CRADD: variants seen among roughly 807,000 people sequenced by gnomAD.
The protein encoded by CRADD is CARD and death domain containing adaptor protein.
Under a neutral mutation model 15.5 loss-of-function variants are expected in CRADD, and 9 were observed. The observed-to-expected ratio is 0.58, with a 90% CI of 0.35 to 1.01. CRADD has a LOEUF of 1.01. Ranked by LOEUF, CRADD falls within the 50% of genes least tolerant of loss-of-function variation. The pLI, the probability that CRADD is intolerant of heterozygous loss-of-function variation, is 0.02. For synonymous variants in CRADD, 118 were observed against 107.6 expected, an observed-to-expected ratio of 1.10 and a Z score of -0.60; for missense variants, 227 against 250.3, an observed-to-expected ratio of 0.91 and a Z score of 0.63.
intron 2 of CRADD, among the ~76,000 whole-genome samples, chr12:93,889,927 T>G (rs566013338): frequency 6.6e-6 from 1 of 152,276 alleles, no homozygotes; most frequent in Admixed American, 6.5e-5. Context: ...GGAACTCCAG[T>G]ATGTAAAATG....
chr12:93,703,505 C>T (rs545491914), intron 2 of CRADD, among the ~76,000 whole-genome samples: 6 of 151,868 alleles, frequency 4.0e-5, no homozygotes, highest in African/African-American at 1.4e-4. Flanking sequence ...GGACTACAGG[C>T]GCATGCCACC....
chr12:93,722,967 A>G (rs968239041), intron 2 of CRADD, among the ~76,000 whole-genome samples: 3 of 152,140 alleles, frequency 2.0e-5, no homozygotes, highest in Non-Finnish European at 2.9e-5. Context: ...GTGGGAGGAG[A>G]GGAAGTGAAA....
chr12:93,887,585 C>T (rs918987697), intron 2 of CRADD, among the ~76,000 whole-genome samples: 5 of 152,300 alleles, frequency 3.3e-5, no homozygotes, highest in Admixed American at 2.6e-4. Context: ...TGTTAATAGT[C>T]GGTTCTTGGT....
chr12:93,797,743 A>G (rs1957435302), intron 2 of CRADD, among the ~76,000 whole-genome samples: 1 of 152,154 alleles, frequency 6.6e-6, no homozygotes, highest in Non-Finnish European at 1.5e-5. Flanking sequence ...TTTTTATTGC[A>G]CAAAGAACAT....
chr12:93,804,183 A>C (rs769049159), intron 2 of CRADD, among the ~76,000 whole-genome samples: 1 of 152,156 alleles, frequency 6.6e-6, no homozygotes, highest in Non-Finnish European at 1.5e-5. Context: ...ACATCTGTAG[A>C]GTAGGCACAT....
In CRADD at chr12:93,824,438, ACACT is replaced by A. The variant is rs1218432287; in HGVS notation, c.299-25531_299-25528del. ...CACACACATACACACACACACACAC[ACACT>A]ACCAGGAAGCAGGCTAAAAGAATAT... is the stretch of plus-strand genomic sequence containing the variant. On this transcript the variant is annotated intron_variant, in intron 2 of 2. Transcript: ENST00000332896. The surrounding 1 kb of genome is among the most constrained non-coding windows in gnomAD (Gnocchi z 4.3). 3.3e-5 allele frequency among the ~76,000 whole-genome samples: 5 copies of A among 151,826 alleles called. No homozygotes were observed. Among genetic ancestry groups the A allele is most frequent in the Non-Finnish European group, 7.4e-5 (5 of 67,940 alleles).
chr12:93,748,481 A>C (rs1429030787), intron 2 of CRADD, among the ~76,000 whole-genome samples: 1 of 151,998 alleles, frequency 6.6e-6, no homozygotes, highest in Non-Finnish European at 1.5e-5. Context: ...CTAATTTTGT[A>C]TTTTTAGTAG....
At chr12:93,738,375 C>A (rs1490716866) in intron 2 of CRADD, 1 of 702,284 alleles carries the variant, frequency 1.4e-6, no homozygotes, top group Admixed American at 2.0e-5. Flanking sequence ...CTAATTTAAC[C>A]CTTTGTGGAA....
At chr12:93,712,188 T>G (rs1466922908) in intron 2 of CRADD, among the ~76,000 whole-genome samples, 1 of 152,184 alleles carries the variant, frequency 6.6e-6, no homozygotes, top group East Asian at 1.9e-4. Context: ...AGGTACATAC[T>G]TCGTAGAGTT....
At chr12:93,733,976 A>G (rs1956516748) in intron 2 of CRADD, among the ~76,000 whole-genome samples, 2 of 152,162 alleles carry the variant, frequency 1.3e-5, no homozygotes, top group African/African-American at 2.4e-5. Flanking sequence ...GGCTCAGGCC[A>G]TCTGTCTACC....
intron 2 of CRADD, among the ~76,000 whole-genome samples, chr12:93,842,132 C>T (rs966888712): frequency 6.6e-6 from 1 of 152,152 alleles, no homozygotes; most frequent in Non-Finnish European, 1.5e-5. Flanking sequence ...TCTTCTTAGC[C>T]GTTGGTCTTC....
In CRADD at chr12:93,750,958, G is replaced by A. The variant is rs573384847; in HGVS notation, c.298+71886G>A. Among the ~76,000 whole-genome samples, 12 of 152,228 alleles carry A rather than the reference G, an allele frequency of 7.9e-5. No homozygotes were observed. The South Asian group carries it at 1.0e-3, about 13-fold the overall frequency. On this transcript the variant is annotated intron_variant, in intron 2 of 2. Coordinates refer to ENST00000332896, the MANE Select transcript of CRADD (RefSeq NM_003805.5). ...AGGGACTCTGTCTTTGTAGAAGTTC[G>A]ATAGAAACAATCTTAGTTAATTTTA... is the stretch of plus-strand genomic sequence containing the variant.
intron 2 of CRADD, among the ~76,000 whole-genome samples, chr12:93,702,791 A>G (rs1955866697): frequency 6.6e-6 from 1 of 151,952 alleles, no homozygotes; most frequent in Non-Finnish European, 1.5e-5. Flanking sequence ...CAAGTGCACC[A>G]TACAGGTGCT....
intron 2 of CRADD, among the ~76,000 whole-genome samples, chr12:93,871,637 G>A (rs183207555): frequency 6.6e-6 from 1 of 152,164 alleles, no homozygotes; most frequent in East Asian, 1.9e-4. Context: ...TTGATTTTTA[G>A]AACCCACAAA....
chr12:93,714,419 C>G (rs1461301407), intron 2 of CRADD: 4 of 152,174 alleles, frequency 2.6e-5, no homozygotes, highest in Non-Finnish European at 5.9e-5. Context: ...AGTTGAGGAG[C>G]TTTTGCATTC....
chr12:93,691,081 A>T (rs1426316942), intron 2 of CRADD, among the ~76,000 whole-genome samples: 1 of 152,080 alleles, frequency 6.6e-6, no homozygotes, highest in Non-Finnish European at 1.5e-5. Context: ...TTCCCTTTCA[A>T]TCTCTTTATT....
At chr12:93,814,616 G>A (rs141613135) in intron 2 of CRADD, among the ~76,000 whole-genome samples, 51 of 152,326 alleles carry the variant, frequency 3.3e-4, no homozygotes, top group Admixed American at 1.1e-3. Flanking sequence ...TACAAACTTT[G>A]GAGAGTGCCA....
chr12:93,684,693 G>C (rs1160975753), intron 2 of CRADD, among the ~76,000 whole-genome samples: 1 of 152,242 alleles, frequency 6.6e-6, no homozygotes, highest in Non-Finnish European at 1.5e-5. Context: ...GCGCTATGAA[G>C]AGAAGCGGTA....
chr12:93,887,850 CAGTCA>C (rs1295204910), intron 2 of CRADD, among the ~76,000 whole-genome samples: 1 of 152,150 alleles, frequency 6.6e-6, no homozygotes, highest in Non-Finnish European at 1.5e-5. Context: ...ATGGGAAAAG[CAGTCA>C]AGTCAACAAG....
Sources: gnomAD v4.1 joint callset for allele counts (sites outside exome capture counted in the v4.1 genomes callset) on GRCh38, gnomAD v4.1.1 for gene constraint, Gnocchi (gnomAD v3.1) non-coding constraint, MANE v1.5 for transcripts, NCBI Gene and HGNC (gene_info 2026-07-23, HGNC 2026-07-21) for gene names.